The following NME5 variants were observed in gnomAD, a reference collection of about 807,000 sequenced individuals.
NME5 encodes the protein nucleoside diphosphate kinase 5.
In NME5, 18 loss-of-function variants were observed where a neutral mutation model predicts 21.6. The ratio of observed to expected loss-of-function variants is 0.83; its 90% CI spans 0.58 to 1.24. The LOEUF (loss-of-function observed/expected upper bound fraction) is 1.24, where lower values mean the gene tolerates loss of function less well. NME5 is among the 50% of genes most tolerant of loss of function. The pLI is 0.00. For missense variants in NME5, 223 were observed against 255.4 expected (o/e 0.87, Z 0.86); for synonymous variants, 70 against 80.6 (o/e 0.87, Z 0.71).
intron 5 of NME5, among the ~76,000 whole-genome samples, chr5:138,117,616 G>C (rs1751189958): frequency 6.6e-6 from 1 of 152,100 alleles, no homozygotes; most frequent in South Asian, 2.1e-4. Flanking sequence ...TTCAACATTA[G>C]CCATTAGGGA....
chr5:138,129,922 A>G (rs953959821), intron 2 of NME5, among the ~76,000 whole-genome samples: 6 of 152,160 alleles, frequency 3.9e-5, no homozygotes, highest in Non-Finnish European at 7.3e-5. Context: ...GCACCACTGC[A>G]CTCCAGCCCG....
intron 2 of NME5, among the ~76,000 whole-genome samples, chr5:138,135,667 C>T (rs1176475116): frequency 3.9e-5 from 6 of 152,058 alleles, no homozygotes; most frequent in Admixed American, 3.3e-4. Flanking sequence ...TTAAATGGGA[C>T]GCCTTTATCT....
At position 138,139,362 on chromosome 5, in the gene NME5, A is replaced by G; in HGVS notation, c.-6+9T>C. The G allele has an allele frequency of 2.0e-6, 2 of 985,840 alleles. No homozygotes were observed. The highest frequency in any genetic ancestry group is 2.4e-6 in the Non-Finnish European group (2 of 830,340). 61.1% of individuals were successfully genotyped at this position (985,840 alleles called of 1,614,324 possible). ...CAAATTCTGAATTTGACCCTCTCTA[A>G]GTACTCACCTCAGCGGCCGTCCTCA... On this transcript the variant is annotated intron_variant, in intron 1 of 5. Transcript: ENST00000265191.
intron 4 of NME5, among the ~76,000 whole-genome samples, chr5:138,128,109 G>A (rs1751475896): frequency 6.6e-6 from 1 of 152,034 alleles, no homozygotes; most frequent in African/African-American, 2.4e-5. Flanking sequence ...TCAGCTACCC[G>A]GGAGGCTAAA....
At chr5:138,122,940 A>G (rs1351764832) in intron 4 of NME5, 2 of 152,044 alleles carry the variant, frequency 1.3e-5, no homozygotes, top group Non-Finnish European at 2.9e-5. Context: ...TCAGGCTCCC[A>G]AAGTGCTGGG....
chr5:138,136,987 C>T (rs996356199), intron 2 of NME5, among the ~76,000 whole-genome samples: 47 of 146,912 alleles, frequency 3.2e-4, no homozygotes, highest in Non-Finnish European at 5.9e-4. Flanking sequence ...GGCTCCTAGA[C>T]CTTAAGTCAT....
rs1212578056 is a variant in NME5, at chr5:138,131,553, TA to T, written c.130-2086del. On this transcript the variant is annotated intron_variant, in intron 2 of 5. Coordinates refer to ENST00000265191, the MANE Select transcript of NME5 (RefSeq NM_003551.3). Reference sequence around the variant, plus strand: ...CTGGGTAACAGGATGAGACTCTGTCTAAAAAAAAAAAAAATTAGATGCTAGT... The same window carrying T: ...CTGGGTAACAGGATGAGACTCTGTCTAAAAAAAAAAAAATTAGATGCTAGT... Among the ~76,000 whole-genome samples the T allele has an allele frequency of 7.6e-3, 1,068 of 139,652 alleles. 4 individuals are homozygous for T. The highest frequency in any genetic ancestry group is 0.011 in the African/African-American group (434 of 38,302). The allele number at this position is 139,652 out of a possible 152,430, so 91.6% of individuals were successfully genotyped here.
chr5:138,130,131 A>G (rs1751527507), intron 2 of NME5, among the ~76,000 whole-genome samples: 1 of 152,226 alleles, frequency 6.6e-6, no homozygotes, highest in Admixed American at 6.5e-5. Context: ...GTACTTAGAA[A>G]TAACAGCTAG....
chr5:138,126,452 G>A (rs530067867), intron 4 of NME5, among the ~76,000 whole-genome samples: 6 of 143,496 alleles, frequency 4.2e-5, no homozygotes, highest in Non-Finnish European at 7.6e-5. Context: ...TCAAGGCTGC[G>A]GTGAGCTGTG....
intron 4 of NME5, among the ~76,000 whole-genome samples, chr5:138,119,935 T>G (rs1276612315): frequency 6.9e-6 from 1 of 145,984 alleles, no homozygotes; most frequent in African/African-American, 2.4e-5. Context: ...TTTAAAAATT[T>G]AACTTCTATT....
rs1048930 is a variant in NME5, at chr5:138,115,582, T to A, written c.*99A>T. The A allele has an allele frequency of 2.5e-5, 15 of 607,962 alleles. No homozygotes were observed. The highest frequency in any genetic ancestry group is 3.8e-5 in the Non-Finnish European group (14 of 364,536). The allele number at this position is 607,962 out of a possible 1,614,324, so 37.7% of individuals were successfully genotyped here. On this transcript the variant is annotated 3_prime_UTR_variant, in exon 6 of 6. Coordinates refer to ENST00000265191, the MANE Select transcript of NME5 (RefSeq NM_003551.3). ...TTTTAAGAAATAAATTTATTTTACT[T>A]GTAGTTACTTAAACCCTAGAAATAA...
In NME5 at chr5:138,138,772, T is replaced by C. The variant is rs531579180; in HGVS notation, c.9A>G (p.Ile3Met). 1 of 1,608,466 alleles carries C rather than the reference T, an allele frequency of 6.2e-7. No homozygotes were observed. The highest frequency in any genetic ancestry group is 8.5e-7 in the Non-Finnish European group (1 of 1,178,750). The change falls in exon 2 of 6, where the codon ATA (isoleucine) becomes ATG (methionine). Residue 3 changes from isoleucine (I) to methionine (M), a missense_variant. Transcript: ENST00000265191. ...CATATATCTGAGGTGGAGGCATTGA[T>C]ATCTCCATTATGGCTTTTCAGGGCA... is the stretch of plus-strand genomic sequence containing the variant. Reference protein sequence around the residue: MEISMPPPQIYVE... With the variant: MEMSMPPPQIYVE...
chr5:138,117,182 A>C (rs1751175918), intron 5 of NME5, among the ~76,000 whole-genome samples: 1 of 143,454 alleles, frequency 7.0e-6, no homozygotes, highest in Non-Finnish European at 1.5e-5. Flanking sequence ...AGACTCCAGC[A>C]TGGGGAACAA....
intron 2 of NME5, among the ~76,000 whole-genome samples, chr5:138,134,109 T>C (rs1751635803): frequency 6.6e-6 from 1 of 152,218 alleles, no homozygotes; most frequent in Non-Finnish European, 1.5e-5. Flanking sequence ...TGTTTGTTTG[T>C]TTTTTCTGGT....
chr5:138,131,734 G>A (rs1269129785), intron 2 of NME5, among the ~76,000 whole-genome samples: 2 of 150,840 alleles, frequency 1.3e-5, no homozygotes, highest in African/African-American at 2.4e-5. Flanking sequence ...TATTTTGAGT[G>A]CTTTTTTTTT....
At position 138,129,372 on chromosome 5, in the gene NME5, A is replaced by C. The variant is rs1751506930; in HGVS notation, c.226T>G (p.Ser76Ala). The stretch of plus-strand genomic sequence containing the variant: ...AATATCATGGCGACAAGTGGTCCAG[A>C]ACTCATGTAAGCTGTTAAGTTGGGG... ...FFPNLTAYMSSGPLVAMILAR... is the reference protein window; with the variant it reads ...FFPNLTAYMSAGPLVAMILAR... The change falls in exon 3 of 6, where the codon TCT becomes GCT. Residue 76 changes from serine to alanine, a missense_variant. Transcript: ENST00000265191. The C allele has an allele frequency of 2.5e-6, 4 of 1,614,050 alleles. No homozygotes were observed. Among genetic ancestry groups the C allele is most frequent in the Non-Finnish European group, 3.4e-6 (4 of 1,179,914 alleles).
At chr5:138,133,912 T>C (rs891706538) in intron 2 of NME5, among the ~76,000 whole-genome samples, 11 of 151,918 alleles carry the variant, frequency 7.2e-5, no homozygotes, top group African/African-American at 2.7e-4. Context: ...GTAGTGATGG[T>C]TGTACAACAA....
chr5:138,122,560 A>AT (rs1751311015), intron 4 of NME5, among the ~76,000 whole-genome samples: 1 of 151,670 alleles, frequency 6.6e-6, no homozygotes, highest in Non-Finnish European at 1.5e-5. Flanking sequence ...TGTACACAAA[A>AT]TTGCACACAA....
intron 2 of NME5, among the ~76,000 whole-genome samples, chr5:138,137,475 G>A (rs1207234253): frequency 2.6e-5 from 4 of 151,582 alleles, no homozygotes; most frequent in South Asian, 2.1e-4. Context: ...ACGCCACCAC[G>A]CCCAGCTAAT....
Sources: allele counts gnomAD v4.1 joint callset (sites outside exome capture counted in the v4.1 genomes callset), GRCh38; gene constraint gnomAD v4.1.1; transcripts MANE v1.5; gene names NCBI Gene and HGNC (gene_info 2026-07-23, HGNC 2026-07-21).